FARS2: variants seen among roughly 807,000 people sequenced by gnomAD.
FARS2 encodes phenylalanine--tRNA ligase, mitochondrial.
Under a neutral mutation model 46.4 loss-of-function variants are expected in FARS2, and 40 were observed. That is an observed-to-expected ratio of 0.86 (90% CI 0.67 to 1.12). FARS2 has a LOEUF of 1.12. FARS2 is among the 50% of genes most tolerant of loss of function. The pLI is 0.00. For synonymous variants in FARS2, 234 were observed against 214.9 expected (o/e 1.09, Z -0.78); for missense variants, 513 against 567.9 (o/e 0.90, Z 0.98).
intron 4 of FARS2, among the ~76,000 whole-genome samples, chr6:5,535,555 C>T (rs1409384616): frequency 2.0e-5 from 3 of 152,160 alleles, no homozygotes; most frequent in East Asian, 3.8e-4. Context: ...TGACTAGTAG[C>T]GGTGACTGTG....
chr6:5,424,464 G>C (rs1397413706), intron 3 of FARS2, among the ~76,000 whole-genome samples: 1 of 152,326 alleles, frequency 6.6e-6, no homozygotes, highest in East Asian at 1.9e-4. Flanking sequence ...GAAAAGGACT[G>C]AGGGCGTGCT....
chr6:5,262,331 G>T (rs1406041621), intron 1 of FARS2, among the ~76,000 whole-genome samples: 4 of 152,106 alleles, frequency 2.6e-5, no homozygotes, highest in African/African-American at 7.2e-5. Context: ...AGGCTGGAGT[G>T]CAGTGGCGGG....
intron 1 of FARS2, among the ~76,000 whole-genome samples, chr6:5,324,070 A>G (rs1770175909): frequency 6.6e-6 from 1 of 152,068 alleles, no homozygotes; most frequent in Non-Finnish European, 1.5e-5. Context: ...CCTCACCCTA[A>G]AACCAGTATG....
chr6:5,369,933 A>G (rs1758943266), intron 2 of FARS2, among the ~76,000 whole-genome samples: 2 of 151,844 alleles, frequency 1.3e-5, no homozygotes, highest in Admixed American at 6.6e-5. Flanking sequence ...CCATTTCCTA[A>G]AAACTTGCCA....
At chr6:5,333,167 T>C (rs1287610408) in intron 1 of FARS2, among the ~76,000 whole-genome samples, 1 of 152,180 alleles carries the variant, frequency 6.6e-6, no homozygotes, top group Non-Finnish European at 1.5e-5. Flanking sequence ...CTAAAAGATT[T>C]TGGGAACAGT....
intron 6 of FARS2, among the ~76,000 whole-genome samples, chr6:5,635,079 A>T (rs143911130): frequency 5.9e-5 from 9 of 152,282 alleles, no homozygotes; most frequent in Non-Finnish European, 1.3e-4. Context: ...CAAGTTACTC[A>T]CCTCTCTAAG....
At chr6:5,763,078 C>T (rs1762568748) in intron 6 of FARS2, among the ~76,000 whole-genome samples, 1 of 152,198 alleles carries the variant, frequency 6.6e-6, no homozygotes, top group Admixed American at 6.5e-5. Flanking sequence ...GGAGCCCCAT[C>T]ATCTGCACGA....
intron 6 of FARS2, among the ~76,000 whole-genome samples, chr6:5,713,251 T>C (rs1482606347): frequency 6.6e-6 from 1 of 152,254 alleles, no homozygotes; most frequent in African/African-American, 2.4e-5. Flanking sequence ...GGTAGCGTTT[T>C]GGTTGTAAAA....
intron 6 of FARS2, among the ~76,000 whole-genome samples, chr6:5,711,455 G>A (rs1759159371): frequency 6.6e-6 from 1 of 152,152 alleles, no homozygotes; most frequent in African/African-American, 2.4e-5. Context: ...TGGAAAGGGA[G>A]GAAAGAAAGT....
chr6:5,619,252 T>C (rs1184148965), intron 6 of FARS2, among the ~76,000 whole-genome samples: 1 of 152,286 alleles, frequency 6.6e-6, no homozygotes, highest in East Asian at 1.9e-4. Context: ...AGAGTGGGAA[T>C]TGGGGAGTAA....
intron 5 of FARS2, 56 bp downstream of exon 5, chr6:5,545,396 G>A (rs1025092407): frequency 1.4e-5 from 18 of 1,331,316 alleles, no homozygotes; most frequent in South Asian, 9.3e-5. Flanking sequence ...GTCAAGGATC[G>A]ACAGGATCAT....
intron 6 of FARS2, among the ~76,000 whole-genome samples, chr6:5,680,860 G>T (rs1171277042): frequency 6.6e-6 from 1 of 150,944 alleles, no homozygotes; most frequent in African/African-American, 2.4e-5. Context: ...CTAAACAGTT[G>T]ATCTACACTT....
At chr6:5,668,695 T>TG (rs1231262651) in intron 6 of FARS2, among the ~76,000 whole-genome samples, 9 of 142,940 alleles carry the variant, frequency 6.3e-5, no homozygotes, top group Non-Finnish European at 1.2e-4. Context: ...GGTTTTTTTT[T>TG]TTTTTTTTTT....
intron 1 of FARS2, among the ~76,000 whole-genome samples, chr6:5,266,271 A>G (rs744757): frequency 0.78 from 118,862 of 152,066 alleles, 46,692 homozygotes; most frequent in African/African-American, 0.85. Context: ...AAGGTAATAC[A>G]TCGGCTTTCA....
chr6:5,566,418 A>G (rs187170514), intron 5 of FARS2, among the ~76,000 whole-genome samples: 6 of 152,274 alleles, frequency 3.9e-5, no homozygotes, highest in African/African-American at 1.2e-4. Context: ...GCAAAACAGA[A>G]CAGAGCCGTT....
chr6:5,501,805 T>G (rs4409225), intron 4 of FARS2, among the ~76,000 whole-genome samples: 83,218 of 152,076 alleles, frequency 0.55, 23,147 homozygotes, highest in Non-Finnish European at 0.6. Flanking sequence ...GGTTTCTCAT[T>G]TTTTAAAATA....
At chr6:5,539,646 G>T in intron 4 of FARS2, among the ~76,000 whole-genome samples, 1 of 151,964 alleles carries the variant, frequency 6.6e-6, no homozygotes, top group Non-Finnish European at 1.5e-5. Flanking sequence ...GAAGGTAACT[G>T]TTTTTATCTT....
intron 6 of FARS2, among the ~76,000 whole-genome samples, chr6:5,659,261 A>C (rs1359710491): frequency 6.6e-6 from 1 of 152,216 alleles, no homozygotes; most frequent in Non-Finnish European, 1.5e-5. Flanking sequence ...TTTTCAGTCC[A>C]GAGAAACAAC....
intron 4 of FARS2, among the ~76,000 whole-genome samples, chr6:5,477,116 T>C (rs1326569942): frequency 6.6e-6 from 1 of 152,232 alleles, no homozygotes; most frequent in African/African-American, 2.4e-5. Flanking sequence ...TCCAATTCAA[T>C]TTATGTGGCC....
Sources: allele counts gnomAD v4.1 joint callset (sites outside exome capture counted in the v4.1 genomes callset), GRCh38; gene constraint gnomAD v4.1.1; transcripts MANE v1.5; gene names NCBI Gene and HGNC (gene_info 2026-07-23, HGNC 2026-07-21).